The following ARHGAP29 variants were observed in gnomAD, a reference collection of about 807,000 sequenced individuals.
The protein encoded by ARHGAP29 is rho GTPase-activating protein 29.
A neutral mutation model predicts 122.6 loss-of-function variants in ARHGAP29; 43 were observed. The observed-to-expected ratio is 0.35, with a 90% confidence interval of 0.27 to 0.45. ARHGAP29 has a LOEUF of 0.45. Among genes scored for constraint, ARHGAP29 ranks in the 20% least tolerant of loss-of-function variants. The pLI, the probability that ARHGAP29 is intolerant of heterozygous loss-of-function variation, is 1.00. For missense variants in ARHGAP29, 1,303 were observed against 1,477.2 expected (o/e 0.88, Z 1.93); for synonymous variants, 506 against 497.1 (o/e 1.02, Z -0.24).
rs1199951048 is a variant in ARHGAP29, at chr1:94,174,124, CCT to C, written c.3529_3530del (p.Arg1177GlyfsTer3). On this transcript the variant is annotated frameshift_variant, in exon 23 of 23. Coordinates refer to ENST00000260526, the MANE Select transcript of ARHGAP29 (RefSeq NM_004815.4). LOFTEE classifies it low-confidence loss of function (END_TRUNC). ...GTGAAGCTGGCTTCTCCTCATTCCC[CCT>C]GATACTGATGATGGGAGCATGTGGT... is the stretch of plus-strand genomic sequence containing the variant. Reference protein sequence around the residue: ...YKPHAPIISIRGNEEKPASPS... With the variant: ...YKPHAPIISIXGNEEKPASPS... 7 of 1,614,152 alleles carry C rather than the reference CCT, an allele frequency of 4.3e-6. No homozygotes were observed. The highest frequency in any genetic ancestry group is 1.1e-5 in the South Asian group (1 of 91,076).
chr1:94,304,111 T>A, the ARHGAP29 span, among the ~76,000 whole-genome samples: 1 of 152,204 alleles, frequency 6.6e-6, no homozygotes, highest in South Asian at 2.1e-4. Flanking sequence ...GTTATTCTGC[T>A]GGAACACTGT....
At chr1:94,241,647 T>TAC (rs1553213145), upstream of ARHGAP29, among the ~76,000 whole-genome samples, 3 of 143,832 alleles carry the variant, frequency 2.1e-5, no homozygotes, top group Non-Finnish European at 4.6e-5. Flanking sequence ...TATAATTATA[T>TAC]ATATATCTTA....
At chr1:94,298,944 C>T in the ARHGAP29 span, among the ~76,000 whole-genome samples, 1 of 152,198 alleles carries the variant, frequency 6.6e-6, no homozygotes, top group Non-Finnish European at 1.5e-5. Flanking sequence ...TTTTAAATTG[C>T]ATTGGGTGGA....
At chr1:94,189,861 G>T in intron 13 of ARHGAP29, 65 bp downstream of exon 13, 1 of 1,518,544 alleles carries the variant, frequency 6.6e-7, no homozygotes, top group Non-Finnish European at 9.0e-7. Context: ...CCTTGTACTA[G>T]ATAGAAACTT....
chr1:94,204,120 T>C (rs1350532557), intron 7 of ARHGAP29, 126 bp from the exon 8 acceptor site: 9 of 580,344 alleles, frequency 1.6e-5, no homozygotes, highest in African/African-American at 1.5e-4. Flanking sequence ...TATCAAGATA[T>C]AATACAGCAA....
Position 94,184,162 on chromosome 1 carries a change from A to G in ARHGAP29, c.2236T>C (p.Tyr746His). 6.2e-7 allele frequency: 1 copy of G among 1,606,174 alleles called. No homozygotes were observed. Among genetic ancestry groups the G allele is most frequent in the Non-Finnish European group, 8.5e-7 (1 of 1,177,986 alleles). ...SHDICDVLKLYLRQLPEPFIL... is the reference protein window; with the variant it reads ...SHDICDVLKLHLRQLPEPFIL... The stretch of plus-strand genomic sequence containing the variant: ...GTAAAAATTTTTACCTGCCGAAGGT[A>G]TAATTTCAAGACGTCACAGATATCA... Residue 746 changes from tyrosine (Y) to histidine (H), a missense_variant, in exon 19 of 23, where the codon TAC becomes CAC. Transcript: ENST00000260526.
At chr1:94,264,168 G>A (rs771953719) in intron 1 of ARHGAP29, among the ~76,000 whole-genome samples, 2 of 152,206 alleles carry the variant, frequency 1.3e-5, no homozygotes, top group African/African-American at 2.4e-5. Context: ...AGTAGCTGTA[G>A]TGAGATGGCG....
intron 22 of ARHGAP29, chr1:94,177,337 AAAACTC>A (rs1649156892): frequency 3.6e-6 from 1 of 275,148 alleles, no homozygotes; most frequent in Non-Finnish European, 6.8e-6. Context: ...AGCTGATGGC[AAAACTC>A]AAAAACAAAA....
intron 1 of ARHGAP29, among the ~76,000 whole-genome samples, chr1:94,261,957 G>T (rs1042322356): frequency 6.6e-6 from 1 of 152,142 alleles, no homozygotes; most frequent in African/African-American, 2.4e-5. Context: ...GCAATCCTAA[G>T]CAAAAAGAAG....
intron 1 of ARHGAP29, 52 bp from the exon 2 acceptor site, chr1:94,231,695 A>T (rs1652929182): frequency 6.7e-6 from 9 of 1,350,270 alleles, no homozygotes; most frequent in Non-Finnish European, 9.2e-6. Context: ...AGAAAGAAAC[A>T]CAAAAACTAA....
In ARHGAP29 at chr1:94,259,305, A is replaced by T. The variant is rs190191189; in HGVS notation, c.-33+15707T>A. 1.1e-4 allele frequency among the ~76,000 whole-genome samples: 16 copies of T among 152,324 alleles called. No homozygotes were observed. The East Asian group carries it at 3.1e-3, about 29-fold the overall frequency. On this transcript the variant is annotated intron_variant and NMD_transcript_variant, in intron 1 of 25. Transcript: ENST00000552844. ...ATCCATTTTAGAAATACAAGTAATGAATATACCTCATCCAACAGAGACTAG... is the reference window on the plus strand; with the variant it reads ...ATCCATTTTAGAAATACAAGTAATGTATATACCTCATCCAACAGAGACTAG...
At chr1:94,293,228 A>T in the ARHGAP29 span, among the ~76,000 whole-genome samples, 2 of 152,182 alleles carry the variant, frequency 1.3e-5, no homozygotes, top group Non-Finnish European at 2.9e-5. Context: ...TCCCAGGTTG[A>T]TCTCAGACTG....
upstream of ARHGAP29, among the ~76,000 whole-genome samples, chr1:94,279,170 T>C (rs1655276100): frequency 6.6e-6 from 1 of 152,232 alleles, no homozygotes; most frequent in South Asian, 2.1e-4. Flanking sequence ...TCCATTAACA[T>C]GGTGGTTCCC....
At chr1:94,313,401 A>G in the ARHGAP29 span, among the ~76,000 whole-genome samples, 1 of 152,200 alleles carries the variant, frequency 6.6e-6, no homozygotes, top group African/African-American at 2.4e-5. Context: ...CCTATTTGAT[A>G]TTAACCCTAT....
chr1:94,268,795 A>T (rs10158261), intron 1 of ARHGAP29, among the ~76,000 whole-genome samples: 1 of 151,594 alleles, frequency 6.6e-6, no homozygotes, highest in Non-Finnish European at 1.5e-5. Context: ...AAGAAGATAT[A>T]TATATATATA....
chr1:94,237,381 G>A (rs1302475199), intron 1 of ARHGAP29, 34 bp downstream of exon 1: 9 of 984,240 alleles, frequency 9.1e-6, no homozygotes, highest in South Asian at 9.4e-5. Flanking sequence ...CACGACCGCC[G>A]CGGCCGGAGC....
At chr1:94,193,363 T>C (rs1264303269) in intron 12 of ARHGAP29, 14 of 129,694 alleles carry the variant, frequency 1.1e-4, no homozygotes. Flanking sequence ...GGAAAAAGAA[T>C]ACTACAAAAA....
intron 1 of ARHGAP29, among the ~76,000 whole-genome samples, chr1:94,248,871 T>G (rs1394051425): frequency 6.6e-6 from 1 of 152,122 alleles, no homozygotes; most frequent in Non-Finnish European, 1.5e-5. Flanking sequence ...CCCAGCTAGC[T>G]CTGTTGTTTA....
intron 1 of ARHGAP29, among the ~76,000 whole-genome samples, chr1:94,251,661 C>A (rs1654099885): frequency 6.6e-6 from 1 of 152,160 alleles, no homozygotes; most frequent in Non-Finnish European, 1.5e-5. Flanking sequence ...AGGACTTTTG[C>A]CTTTGCTGTT....
Sources: allele counts gnomAD v4.1 joint callset (sites outside exome capture counted in the v4.1 genomes callset), GRCh38; gene constraint gnomAD v4.1.1; transcripts MANE v1.5; gene names NCBI Gene and HGNC (gene_info 2026-07-23, HGNC 2026-07-21).